The following ABLIM2 variants were observed in gnomAD, a reference collection of about 807,000 sequenced individuals.
ABLIM2 encodes the protein actin binding LIM protein family member 2, also known as actin-binding LIM protein 2.
A neutral mutation model predicts 97.7 loss-of-function variants in ABLIM2; 53 were observed. The ratio of observed to expected loss-of-function variants is 0.54; its 90% CI spans 0.44 to 0.68. ABLIM2 has a LOEUF of 0.68. Ranked by LOEUF, ABLIM2 falls within the 30% of genes least tolerant of loss-of-function variation. ABLIM2 has a pLI of 0.00. For missense variants in ABLIM2, 835 were observed against 867.2 expected (o/e 0.96, Z 0.47); for synonymous variants, 361 against 345.8 (o/e 1.04, Z -0.49).
rs1174347793 is a variant in ABLIM2, at chr4:8,080,812, A to G, written c.455-10T>C. 1 of 1,601,768 alleles carries G rather than the reference A, an allele frequency of 6.2e-7. No homozygotes were observed. The highest frequency in any genetic ancestry group is 8.5e-7 in the Non-Finnish European group (1 of 1,172,392). ...CCGCAGCCCCCACAACCTGGAAGAA[A>G]GAGAAGAGAACACAGACACCCCCAC... On this transcript the variant is annotated splice_polypyrimidine_tract_variant and intron_variant, in intron 4 of 20. Coordinates refer to ENST00000447017, the MANE Select transcript of ABLIM2 (RefSeq NM_001130083.2).
chr4:7,990,207 A>G (rs748998544), intron 17 of ABLIM2, among the ~76,000 whole-genome samples: 3 of 151,980 alleles, frequency 2.0e-5, no homozygotes, highest in Non-Finnish European at 4.4e-5. Flanking sequence ...TATGTAATAT[A>G]TATATTTTTT....
At chr4:8,017,764 C>T (rs941800525) in intron 14 of ABLIM2, among the ~76,000 whole-genome samples, 23 of 152,226 alleles carry the variant, frequency 1.5e-4, no homozygotes, top group Admixed American at 1.3e-4. Flanking sequence ...GAGGCTGAAG[C>T]GGGTGGATCA....
Position 8,020,239 on chromosome 4 carries a change from G to A in ABLIM2, c.1332C>T (p.Ser444=), listed in dbSNP as rs199573222. The A allele has an allele frequency of 4.4e-5, 71 of 1,613,808 alleles. No homozygotes were observed. The highest frequency in any genetic ancestry group is 5.9e-5 in the Non-Finnish European group (70 of 1,179,892). Residue 444 remains serine (S), a synonymous_variant, in exon 13 of 21, where the codon TCC becomes TCT. Coordinates refer to ENST00000447017, the MANE Select transcript of ABLIM2 (RefSeq NM_001130083.2). ...SVLSDSKPPP[S]TYQQAPRHFH... is the part of the protein sequence containing the mutation. ...AGTGGCGAGGTGCCTGCTGGTAGGT[G>A]GAGGGGGGCGGCTTGCTGTCAGAGA... is the stretch of plus-strand genomic sequence containing the variant.
Position 8,130,589 on chromosome 4 carries a change from C to T in ABLIM2, c.11-23952G>A, listed in dbSNP as rs1475214245. Among the ~76,000 whole-genome samples the T allele has an allele frequency of 6.6e-6, 1 of 152,048 alleles. No individual in the cohort carries two copies. The highest frequency in any genetic ancestry group is 1.9e-4 in the East Asian group (1 of 5,180). On this transcript the variant is annotated intron_variant, in intron 1 of 20. Coordinates refer to ENST00000447017, the MANE Select transcript of ABLIM2 (RefSeq NM_001130083.2). The surrounding 1 kb of genome is among the most constrained non-coding windows in gnomAD (Gnocchi z 4.2). ...ATTACTGGGACTTGAAGGGAGGCAG[C>T]CTGGCCCGAGTCCAGGGTGTGCTTG...
intron 17 of ABLIM2, among the ~76,000 whole-genome samples, chr4:7,987,374 C>T (rs899760286): frequency 8.5e-5 from 13 of 152,134 alleles, no homozygotes; most frequent in African/African-American, 2.9e-4. Context: ...CCTCTCACCT[C>T]AGCCTCCCAA....
rs1034296763 is a variant in ABLIM2, at chr4:8,149,758, G to C, written c.10+8922C>G. Among the ~76,000 whole-genome samples the C allele has an allele frequency of 6.6e-6, 1 of 152,024 alleles. No individual in the cohort carries two copies. The highest frequency in any genetic ancestry group is 1.5e-5 in the Non-Finnish European group (1 of 68,010). On this transcript the variant is annotated intron_variant, in intron 1 of 20. Transcript: ENST00000447017. This position sits in a 1 kb window ranked among gnomAD's most constrained non-coding sequence, Gnocchi z 6.4. ...GCCCTTGGGAGGCTGTTGACTGCTG[G>C]ACACAGAGAAGGCCCGGACCTAGGC...
chr4:8,114,738 C>A (rs1481540337), intron 1 of ABLIM2, among the ~76,000 whole-genome samples: 1 of 152,192 alleles, frequency 6.6e-6, no homozygotes, highest in African/African-American at 2.4e-5. Flanking sequence ...AGCAAAGATG[C>A]ACTGGGCACT....
chr4:8,105,929 C>T (rs1314033053), intron 2 of ABLIM2, among the ~76,000 whole-genome samples: 1 of 151,328 alleles, frequency 6.6e-6, no homozygotes, highest in Non-Finnish European at 1.5e-5. Context: ...TTGGTGGGGC[C>T]TCACGTGATT....
intron 1 of ABLIM2, among the ~76,000 whole-genome samples, chr4:8,154,977 C>T (rs886477859): frequency 2.0e-5 from 3 of 152,148 alleles, no homozygotes; most frequent in African/African-American, 7.2e-5. Context: ...TATAAAACCA[C>T]CAGCTATCGC....
At chr4:7,972,206 G>A (rs796073783) in intron 20 of ABLIM2, among the ~76,000 whole-genome samples, 5 of 152,186 alleles carry the variant, frequency 3.3e-5, no homozygotes, top group Non-Finnish European at 5.9e-5. Flanking sequence ...GCGGCTTAGC[G>A]GGGCAATGAC....
chr4:8,048,670 G>A (rs573925102), intron 8 of ABLIM2, among the ~76,000 whole-genome samples: 4 of 152,220 alleles, frequency 2.6e-5, no homozygotes, highest in East Asian at 1.9e-4. Context: ...CTGTTTCCTC[G>A]TTCCTCAATG....
At chr4:7,984,613 A>G (rs1741975071) in intron 18 of ABLIM2, among the ~76,000 whole-genome samples, 1 of 152,240 alleles carries the variant, frequency 6.6e-6, no homozygotes, top group Non-Finnish European at 1.5e-5. Context: ...CGCCGTGGCC[A>G]TGGATGGGAC....
rs1811919075 is a variant in ABLIM2, at chr4:8,071,387, T to C, written c.675+6241A>G. Among the ~76,000 whole-genome samples, 1 of 151,988 alleles carries C rather than the reference T, an allele frequency of 6.6e-6. No individual in the cohort carries two copies. Among genetic ancestry groups the C allele is most frequent in the South Asian group, 2.1e-4 (1 of 4,812 alleles). Reference sequence around the variant, plus strand: ...TGGGTGGGATGCAGGCCAACATGCATGAGGGTGCTGCACGTTTAGGAGAAA... The same window carrying C: ...TGGGTGGGATGCAGGCCAACATGCACGAGGGTGCTGCACGTTTAGGAGAAA... On this transcript the variant is annotated intron_variant, in intron 6 of 20. Coordinates refer to ENST00000447017, the MANE Select transcript of ABLIM2 (RefSeq NM_001130083.2). The surrounding 1 kb of genome is among the most constrained non-coding windows in gnomAD (Gnocchi z 6.2).
chr4:8,080,572 G>A, intron 5 of ABLIM2, 104 bp downstream of exon 5: 6 of 1,293,394 alleles, frequency 4.6e-6, no homozygotes, highest in Non-Finnish European at 6.2e-6. Context: ...AGGAATAGGA[G>A]AGACACAGAG....
Position 7,965,802 on chromosome 4 carries a change from A to G in ABLIM2, c.*1188T>C, listed in dbSNP as rs779616442. The stretch of plus-strand genomic sequence containing the variant: ...CACATCTCCATCCTATCTCCATCCT[A>G]TCTCCATCCTTCTCTCCCCAACAGC... On this transcript the variant is annotated 3_prime_UTR_variant, in exon 21 of 21. Coordinates refer to ENST00000447017, the MANE Select transcript of ABLIM2 (RefSeq NM_001130083.2). 1 of 148,208 alleles carries G rather than the reference A, an allele frequency of 6.7e-6. No individual in the cohort carries two copies. Among genetic ancestry groups the G allele is most frequent in the Non-Finnish European group, 1.5e-5 (1 of 66,334 alleles). The allele number at this position is 148,208 out of a possible 1,614,324, so 9.2% of individuals were successfully genotyped here. A position where few individuals can be genotyped will look rare whatever the true frequency, so the allele number is the denominator to read the frequency against.
At chr4:7,974,221 A>AT (rs1429889187) in intron 20 of ABLIM2, among the ~76,000 whole-genome samples, 2 of 151,734 alleles carry the variant, frequency 1.3e-5, no homozygotes, top group African/African-American at 4.8e-5. Flanking sequence ...CTACCTACCC[A>AT]TCCATCCACT....
chr4:8,105,778 G>C (rs1229644944), intron 2 of ABLIM2, among the ~76,000 whole-genome samples: 1 of 152,166 alleles, frequency 6.6e-6, no homozygotes, highest in South Asian at 2.1e-4. Flanking sequence ...AAATTGGTTT[G>C]ATTTGCACAT....
intron 1 of ABLIM2, among the ~76,000 whole-genome samples, chr4:8,109,715 G>A (rs924171388): frequency 1.3e-5 from 2 of 152,206 alleles, no homozygotes; most frequent in African/African-American, 2.4e-5. Flanking sequence ...GCTGTCTGGG[G>A]ATGAGGGAGA....
intron 20 of ABLIM2, among the ~76,000 whole-genome samples, chr4:7,976,860 C>T (rs1185146724): frequency 6.6e-6 from 1 of 151,612 alleles, no homozygotes; most frequent in East Asian, 1.9e-4. Flanking sequence ...CACACATACA[C>T]GTATACATAC....
Sources: gnomAD v4.1 joint callset for allele counts (sites outside exome capture counted in the v4.1 genomes callset) on GRCh38, gnomAD v4.1.1 for gene constraint, Gnocchi (gnomAD v3.1) non-coding constraint, MANE v1.5 for transcripts, NCBI Gene and HGNC (gene_info 2026-07-23, HGNC 2026-07-21) for gene names.